IL1RAPL2: variants seen among roughly 807,000 people sequenced by gnomAD.
IL1RAPL2 encodes X-linked interleukin-1 receptor accessory protein-like 2.
A neutral mutation model predicts 44.1 loss-of-function variants in IL1RAPL2; 3 were observed. The observed-to-expected ratio is 0.07, with a 90% CI of 0.03 to 0.18. The LOEUF (loss-of-function observed/expected upper bound fraction) is 0.18, where lower values mean the gene tolerates loss of function less well. IL1RAPL2 is among the 10% of genes least tolerant of loss of function. IL1RAPL2 has a pLI of 1.00. For missense variants in IL1RAPL2, 391 were observed against 496.4 expected (o/e 0.79, Z 2.02); for synonymous variants, 181 against 178.8 (o/e 1.01, Z -0.10).
chrX:105,468,670 G>A (rs2147769604), intron 5 of IL1RAPL2, among the ~76,000 whole-genome samples: 1 of 111,763 alleles, frequency 8.9e-6, no homozygotes, highest in African/African-American at 3.2e-5. Context: ...GAGGAATATG[G>A]CACAGTTCAG....
chrX:104,690,571 C>T (rs1035191932), intron 2 of IL1RAPL2, among the ~76,000 whole-genome samples: 2 of 112,469 alleles, frequency 1.8e-5, no homozygotes, highest in African/African-American at 6.5e-5. Context: ...CCTGGCCAAT[C>T]TGTCCTCCTT....
At chrX:104,915,162 A>C (rs918135352) in intron 2 of IL1RAPL2, among the ~76,000 whole-genome samples, 9 of 111,357 alleles carry the variant, frequency 8.1e-5, no homozygotes, top group Admixed American at 1.9e-4. Flanking sequence ...CAATGGTTGA[A>C]CTAGTTTACA....
chrX:105,482,142 CATA>C (rs1365093354), intron 5 of IL1RAPL2, among the ~76,000 whole-genome samples: 2 of 112,088 alleles, frequency 1.8e-5, no homozygotes, highest in African/African-American at 3.2e-5. Context: ...ACAGCAGTAT[CATA>C]ATATGTCATT....
At chrX:105,445,238 T>C (rs1285536122) in intron 5 of IL1RAPL2, among the ~76,000 whole-genome samples, 2 of 111,983 alleles carry the variant, frequency 1.8e-5, no homozygotes, top group African/African-American at 6.5e-5. Context: ...AGTTATAATG[T>C]CTTTTTTTAT....
At chrX:105,439,396 G>T (rs1411960228) in intron 5 of IL1RAPL2, among the ~76,000 whole-genome samples, 3 of 109,705 alleles carry the variant, frequency 2.7e-5, no homozygotes. Context: ...AGTCCAAATT[G>T]CCCCTTGGGC....
At chrX:105,388,356 A>ATTTTTTTTTTTTTTTTTTTTTTTTTTTTT (rs772573698) in intron 5 of IL1RAPL2, among the ~76,000 whole-genome samples, 1 of 61,264 alleles carries the variant, frequency 1.6e-5, no homozygotes, top group African/African-American at 1.0e-4. Context: ...ACCAAAGCAG[A>ATTTTTTTTTTTTTTTTTTTTTTTTTTTTT]TTTTTTTTTT....
intron 7 of IL1RAPL2, among the ~76,000 whole-genome samples, chrX:105,731,478 A>G (rs778755509): frequency 2.7e-5 from 3 of 110,699 alleles, no homozygotes; most frequent in Non-Finnish European, 3.8e-5. Context: ...TCTAAAGAAA[A>G]TGAAATTAGT....
At chrX:105,447,294 A>G (rs1192558007) in intron 5 of IL1RAPL2, among the ~76,000 whole-genome samples, 1 of 54,446 alleles carries the variant, frequency 1.8e-5, no homozygotes, top group Admixed American at 3.7e-4. Context: ...TATAAATATA[A>G]ATATATATAT....
At chrX:105,761,593 A>G (rs1183273953) in intron 10 of IL1RAPL2, among the ~76,000 whole-genome samples, 2 of 111,569 alleles carry the variant, frequency 1.8e-5, no homozygotes, top group Admixed American at 9.5e-5. Flanking sequence ...ATATTAACCT[A>G]TAGGTTTTAT....
At chrX:105,232,697 A>G (rs1446584943) in intron 3 of IL1RAPL2, among the ~76,000 whole-genome samples, 1 of 112,329 alleles carries the variant, frequency 8.9e-6, no homozygotes, top group Non-Finnish European at 1.9e-5. Context: ...ATTTATTTAT[A>G]TTTATTGTAG....
chrX:105,590,839 GTGTGTGTGTT>G lies in IL1RAPL2; in HGVS notation c.772+106472_772+106481del, dbSNP rs1237843843. ...TGTGTGTGTGTGTGTGTGTGTGTGT[GTGTGTGTGTT>G]TGTGTGTGTTTGTGTGTGTGTGTGT... is the stretch of plus-strand genomic sequence containing the variant. On this transcript the variant is annotated intron_variant, in intron 6 of 10. Transcript: ENST00000372582. Among the ~76,000 whole-genome samples the G allele has an allele frequency of 1.2e-4, 12 of 103,523 alleles. No homozygotes were observed. In the South Asian group the frequency reaches 1.3e-3, roughly 11 times the overall value. 89.9% of individuals were successfully genotyped at this position (103,523 alleles called of 115,157 possible). A position where few individuals can be genotyped will look rare whatever the true frequency, so the allele number is the denominator to read the frequency against.
At chrX:104,664,845 C>T (rs1002905858) in intron 2 of IL1RAPL2, among the ~76,000 whole-genome samples, 2 of 111,579 alleles carry the variant, frequency 1.8e-5, no homozygotes, top group African/African-American at 6.5e-5. Context: ...TGAGAACCCT[C>T]ATTCTCATCA....
At chrX:105,458,671 G>A (rs776274511) in intron 5 of IL1RAPL2, among the ~76,000 whole-genome samples, 42 of 111,206 alleles carry the variant, frequency 3.8e-4, no homozygotes, top group African/African-American at 1.2e-3. Flanking sequence ...TCCTTTTTAC[G>A]TTTTTCAGTC....
chrX:105,765,389 TGTG>T (rs945567683), intron 10 of IL1RAPL2: 7 of 112,366 alleles, frequency 6.2e-5, no homozygotes, highest in African/African-American at 2.3e-4. Flanking sequence ...TTACTATTTC[TGTG>T]GTGTTTTTTT....
rs758093351 is a variant in IL1RAPL2 at position 105,023,870 on chromosome X, T to C, written c.83-171605T>C. ...GGGGCAGGTGGTTTTTGTAAGTACT[T>C]GTTTATTTCAAAAGGGTGGTATTAT... is the stretch of plus-strand genomic sequence containing the variant. On this transcript the variant is annotated intron_variant, in intron 2 of 10. Coordinates refer to ENST00000372582, the MANE Select transcript of IL1RAPL2 (RefSeq NM_017416.2). Among the ~76,000 whole-genome samples the C allele has an allele frequency of 3.6e-5, 4 of 111,513 alleles. No individual in the cohort carries two copies. The South Asian group carries it at 1.1e-3, about 31-fold the overall frequency.
At chrX:104,868,449 C>A (rs192341424) in intron 2 of IL1RAPL2, among the ~76,000 whole-genome samples, 1 of 111,790 alleles carries the variant, frequency 8.9e-6, no homozygotes, top group Non-Finnish European at 1.9e-5. Flanking sequence ...ACGAAAACAA[C>A]GGACCCATTC....
chrX:104,917,285 AG>A (rs752507420), intron 2 of IL1RAPL2, among the ~76,000 whole-genome samples: 2 of 111,898 alleles, frequency 1.8e-5, no homozygotes, highest in East Asian at 5.6e-4. Context: ...TGAAAGTGAA[AG>A]AAAAGAATCT....
At chrX:104,822,947 C>G (rs907338400) in intron 2 of IL1RAPL2, among the ~76,000 whole-genome samples, 5 of 110,853 alleles carry the variant, frequency 4.5e-5, no homozygotes, top group African/African-American at 1.6e-4. Context: ...CAGTGGTTTG[C>G]AGTTCTCCTT....
chrX:105,035,864 A>G (rs2031619519), intron 2 of IL1RAPL2, among the ~76,000 whole-genome samples: 1 of 112,457 alleles, frequency 8.9e-6, no homozygotes, highest in Admixed American at 9.4e-5. Context: ...CTTATTCTCC[A>G]CTTAAGTTTG....
Sources: allele counts gnomAD v4.1 joint callset (sites outside exome capture counted in the v4.1 genomes callset), GRCh38; gene constraint gnomAD v4.1.1; transcripts MANE v1.5; gene names NCBI Gene and HGNC (gene_info 2026-07-23, HGNC 2026-07-21).